Variants in PSD3 observed in about 807,000 individuals in gnomAD.
The protein encoded by PSD3 is pleckstrin and Sec7 domain containing 3.
PSD3 carries 49 observed loss-of-function variants against 105.5 expected under a neutral mutation model. The ratio of observed to expected loss-of-function variants is 0.46; its 90% CI spans 0.37 to 0.59. PSD3 has a LOEUF of 0.59. Ranked by LOEUF, PSD3 falls within the 20% of genes least tolerant of loss-of-function variation. The pLI is 0.00. For synonymous variants in PSD3, 557 were observed against 457.8 expected, an observed-to-expected ratio of 1.22 and a Z score of -2.77; for missense variants, 1,561 against 1,263.8, an observed-to-expected ratio of 1.24 and a Z score of -3.57.
intron 14 of PSD3, among the ~76,000 whole-genome samples, chr8:18,568,518 A>G (rs920847434): frequency 1.3e-5 from 2 of 152,048 alleles, no homozygotes; most frequent in Non-Finnish European, 2.9e-5. Context: ...CAGCTGTCCA[A>G]GCCACAATGA....
At chr8:18,854,078 A>G (rs1014642789) in intron 4 of PSD3, 3 of 152,238 alleles carry the variant, frequency 2.0e-5, no homozygotes, top group African/African-American at 4.8e-5. Context: ...GACAAAGACA[A>G]TACACCAATT....
chr8:18,578,519 T>G (rs962064306), intron 12 of PSD3, among the ~76,000 whole-genome samples: 1 of 152,078 alleles, frequency 6.6e-6, no homozygotes. Flanking sequence ...TATGTAACCG[T>G]TGGGATGGTT....
chr8:18,602,679 A>G (rs992150331), intron 11 of PSD3, among the ~76,000 whole-genome samples: 3 of 152,026 alleles, frequency 2.0e-5, no homozygotes, highest in East Asian at 1.9e-4. Flanking sequence ...CGTGAGACAG[A>G]TGGGTGCAAT....
chr8:18,746,676 G>T (rs1399333746), intron 9 of PSD3, among the ~76,000 whole-genome samples: 1 of 152,172 alleles, frequency 6.6e-6, no homozygotes. Flanking sequence ...TCAACCACAC[G>T]GCATACAGTT....
chr8:18,604,685 C>A (rs1295712052), intron 11 of PSD3, among the ~76,000 whole-genome samples: 2 of 152,210 alleles, frequency 1.3e-5, no homozygotes, highest in Non-Finnish European at 2.9e-5. Flanking sequence ...AGCAGCCCCT[C>A]TCGAGGCCTA....
chr8:18,579,427 A>G (rs1386077009), intron 12 of PSD3, among the ~76,000 whole-genome samples: 1 of 152,074 alleles, frequency 6.6e-6, no homozygotes, highest in African/African-American at 2.4e-5. Context: ...ATTACTATCC[A>G]TTTTCTCAAA....
intron 9 of PSD3, among the ~76,000 whole-genome samples, chr8:18,695,094 T>C (rs1801187910): frequency 6.6e-6 from 1 of 152,178 alleles, no homozygotes; most frequent in Non-Finnish European, 1.5e-5. Context: ...CTACTAGGGA[T>C]CCTTAGCCTT....
chr8:19,040,393 C>T (rs1828081728), intron 1 of PSD3, among the ~76,000 whole-genome samples: 1 of 151,942 alleles, frequency 6.6e-6, no homozygotes, highest in South Asian at 2.1e-4. Flanking sequence ...TTTGTAGAGA[C>T]GGGGGTCTTG....
intron 9 of PSD3, among the ~76,000 whole-genome samples, chr8:18,706,992 T>C (rs746003636): frequency 2.0e-5 from 3 of 152,212 alleles, no homozygotes; most frequent in Non-Finnish European, 2.9e-5. Flanking sequence ...CAAATTCTCA[T>C]TTAGGAAATC....
At chr8:18,921,184 T>C (rs1820992713) in intron 2 of PSD3, among the ~76,000 whole-genome samples, 1 of 152,248 alleles carries the variant, frequency 6.6e-6, no homozygotes, top group Non-Finnish European at 1.5e-5. Context: ...TTCTCACTAT[T>C]AGTATTCAAT....
In PSD3 at chr8:18,532,442, G is replaced by C. The variant is rs535190631; in HGVS notation, c.*3301C>G. The C allele has an allele frequency of 1.3e-5, 2 of 152,170 alleles. No homozygotes were observed. Among genetic ancestry groups the C allele is most frequent in the Non-Finnish European group, 2.9e-5 (2 of 68,034 alleles). The allele number at this position is 152,170 out of a possible 1,614,324, so 9.4% of individuals were successfully genotyped here. ...CTAGATTAGGATAACAGTTGGAGAC[G>C]CATAGAGGGTCTTGTGTTTGCCACA... On this transcript the variant is annotated 3_prime_UTR_variant, in exon 16 of 16. Transcript: ENST00000327040.
chr8:18,896,973 G>C (rs192624418), intron 2 of PSD3, among the ~76,000 whole-genome samples: 3 of 151,914 alleles, frequency 2.0e-5, no homozygotes, highest in Non-Finnish European at 2.9e-5. Flanking sequence ...ACCATGCTCG[G>C]CTAATTTTGT....
chr8:18,899,768 G>A (rs1432662648), intron 2 of PSD3, among the ~76,000 whole-genome samples: 1 of 152,076 alleles, frequency 6.6e-6, no homozygotes, highest in African/African-American at 2.4e-5. Context: ...AGTTCTTGTT[G>A]TTCAGGTCTT....
At chr8:18,851,486 G>A (rs957917905) in intron 4 of PSD3, among the ~76,000 whole-genome samples, 1 of 152,230 alleles carries the variant, frequency 6.6e-6, no homozygotes, top group African/African-American at 2.4e-5. Context: ...CAGGATTCCA[G>A]AGTGGATTCA....
At chr8:18,572,036 G>C (rs1378939782) in intron 14 of PSD3, among the ~76,000 whole-genome samples, 3 of 152,194 alleles carry the variant, frequency 2.0e-5, no homozygotes, top group Admixed American at 1.3e-4. Context: ...ATCTTCATTA[G>C]CTTGGAAAAT....
At position 18,782,288 on chromosome 8, in the gene PSD3, T is replaced by A. The variant is rs908585246; in HGVS notation, c.2083-16750A>T. Among the ~76,000 whole-genome samples, 4 of 152,160 alleles carry A rather than the reference T, an allele frequency of 2.6e-5. No individual in the cohort carries two copies. In the East Asian group the frequency reaches 5.8e-4, roughly 22 times the overall value. ...TTATATCTATGCATCTGGTGTAACA[T>A]TTGCTTCATCCAACTCTATGGATTG... On this transcript the variant is annotated intron_variant, in intron 8 of 15. Coordinates refer to ENST00000327040, the MANE Select transcript of PSD3 (RefSeq NM_015310.4).
intron 9 of PSD3, among the ~76,000 whole-genome samples, chr8:18,728,407 G>GA (rs751327305): frequency 7.2e-5 from 11 of 152,196 alleles, no homozygotes; most frequent in Non-Finnish European, 1.3e-4. Flanking sequence ...CTTAGACTTT[G>GA]ATGACAGGGA....
intron 8 of PSD3, chr8:18,774,511 T>C: frequency 4.0e-6 from 1 of 251,700 alleles, no homozygotes. Flanking sequence ...TAACACCTTT[T>C]TTTTTCCTCC....
At chr8:18,968,720 C>G (rs1824441330) in intron 1 of PSD3, among the ~76,000 whole-genome samples, 1 of 151,778 alleles carries the variant, frequency 6.6e-6, no homozygotes, top group Non-Finnish European at 1.5e-5. Context: ...AATAAAAATA[C>G]AAAAAATTAG....
Sources: gnomAD v4.1 joint callset for allele counts (sites outside exome capture counted in the v4.1 genomes callset) on GRCh38, gnomAD v4.1.1 for gene constraint, MANE v1.5 for transcripts, NCBI Gene and HGNC (gene_info 2026-07-23, HGNC 2026-07-21) for gene names.